The following NF2 variants were observed in gnomAD, a reference collection of about 807,000 sequenced individuals.
The protein encoded by NF2 is merlin.
A neutral mutation model predicts 83.7 loss-of-function variants in NF2; 8 were observed. The observed-to-expected ratio is 0.10, with a 90% CI of 0.06 to 0.17. The LOEUF (loss-of-function observed/expected upper bound fraction) is 0.17. Ranked by LOEUF, NF2 falls within the 10% of genes least tolerant of loss-of-function variation. The pLI is 1.00. For synonymous variants in NF2, 266 were observed against 269.6 expected (o/e 0.99, Z 0.13); for missense variants, 533 against 744.4 (o/e 0.72, Z 3.31).
Position 29,630,926 on chromosome 22 carries a change from T to TA in NF2, c.115-5824dup, listed in dbSNP as rs201082838. On this transcript the variant is annotated intron_variant, in intron 1 of 15. Coordinates refer to ENST00000338641, the MANE Select transcript of NF2 (RefSeq NM_000268.4). ...GCACGAGTGCAGGGCCTGAAAGCGTTACGTGCCATCAGTTATCCAAAAAGA... is the reference window on the plus strand; with the variant it reads ...GCACGAGTGCAGGGCCTGAAAGCGTTAACGTGCCATCAGTTATCCAAAAAGA... Among the ~76,000 whole-genome samples, 1,130 of 152,290 alleles carry TA rather than the reference T, an allele frequency of 7.4e-3. 17 individuals are homozygous for TA. Among genetic ancestry groups the TA allele is most frequent in the African/African-American group, 0.026 (1,074 of 41,542 alleles).
chr22:29,656,465 T>G (rs963822076), intron 6 of NF2, among the ~76,000 whole-genome samples: 1 of 139,506 alleles, frequency 7.2e-6, no homozygotes, highest in African/African-American at 2.7e-5. Context: ...CAGGCTGGAG[T>G]GCAGTGGCGC....
intron 4 of NF2, among the ~76,000 whole-genome samples, chr22:29,647,664 C>CT (rs369275734): frequency 3.3e-5 from 5 of 152,112 alleles, no homozygotes; most frequent in African/African-American, 4.8e-5. Context: ...CTGCATATCC[C>CT]TTTTTTTCAT....
In NF2 at chr22:29,603,843, T is replaced by C. The variant is rs2064706609; in HGVS notation, c.-156T>C. ...GCTCAGGCAGGGTCCTCGCGGCCCATGCTGGCCGCTGGGGACCCGCGCAGC... is the reference window on the plus strand; with the variant it reads ...GCTCAGGCAGGGTCCTCGCGGCCCACGCTGGCCGCTGGGGACCCGCGCAGC... On this transcript the variant is annotated 5_prime_UTR_variant, in exon 1 of 16. The change abolishes an upstream ATG in the 5' untranslated region. Transcript: ENST00000338641. The C allele has an allele frequency of 1.7e-6, 1 of 604,730 alleles. No individual in the cohort carries two copies. Among genetic ancestry groups the C allele is most frequent in the Non-Finnish European group, 2.9e-6 (1 of 345,532 alleles). 37.5% of individuals were successfully genotyped at this position (604,730 alleles called of 1,614,324 possible). A position where few individuals can be genotyped will look rare whatever the true frequency, so the allele number is the denominator to read the frequency against.
chr22:29,674,631 C>A (rs1356512153), intron 12 of NF2, among the ~76,000 whole-genome samples: 1 of 152,162 alleles, frequency 6.6e-6, no homozygotes, highest in East Asian at 1.9e-4. Context: ...TTAGATTTAC[C>A]AACTCAAACA....
chr22:29,695,470 C>A lies in NF2; in HGVS notation c.*668C>A. The A allele has an allele frequency of 4.0e-6, 1 of 249,656 alleles. No homozygotes were observed. The highest frequency in any genetic ancestry group is 7.9e-6 in the Non-Finnish European group (1 of 126,598). The allele number at this position is 249,656 out of a possible 1,614,324, so 15.5% of individuals were successfully genotyped here. ...CAGAAGCTGTGATGCAGGCTGACTG[C>A]CAGCCGAGGGGCTGGGTAGTGCCGT... is the stretch of plus-strand genomic sequence containing the variant. On this transcript the variant is annotated 3_prime_UTR_variant, in exon 16 of 16. Transcript: ENST00000338641. The surrounding 1 kb of genome is among the most constrained non-coding windows in gnomAD (Gnocchi z 5.4).
intron 6 of NF2, among the ~76,000 whole-genome samples, chr22:29,656,443 C>T (rs1221837209): frequency 1.7e-5 from 2 of 120,332 alleles, no homozygotes; most frequent in African/African-American, 6.4e-5. Flanking sequence ...GACGGAGTCT[C>T]ACTCAGTCAC....
intron 6 of NF2, among the ~76,000 whole-genome samples, chr22:29,656,140 T>C (rs2066300268): frequency 6.6e-6 from 1 of 151,888 alleles, no homozygotes; most frequent in South Asian, 2.1e-4. Context: ...GGTTTCAACA[T>C]GTTACCCAGG....
chr22:29,681,716 TG>T, intron 15 of NF2, 115 bp downstream of exon 15: 1 of 1,304,834 alleles, frequency 7.7e-7, no homozygotes, highest in Middle Eastern at 1.9e-4. Context: ...ATCTTTTGTA[TG>T]TACTTAGTTG....
In NF2 at chr22:29,696,879, C is replaced by T. The variant is rs144993615; in HGVS notation, c.*2077C>T. ...TCGCCCAGGCTGGAGTGCAGTGTCACGATCTCAGCTCACTGCAACCTCCGC... is the reference window on the plus strand; with the variant it reads ...TCGCCCAGGCTGGAGTGCAGTGTCATGATCTCAGCTCACTGCAACCTCCGC... On this transcript the variant is annotated 3_prime_UTR_variant, in exon 16 of 16. Coordinates refer to ENST00000338641, the MANE Select transcript of NF2 (RefSeq NM_000268.4). The T allele has an allele frequency of 2.8e-4, 49 of 176,934 alleles. No individual in the cohort carries two copies. Among genetic ancestry groups the T allele is most frequent in the African/African-American group, 6.6e-4 (27 of 41,102 alleles). The allele number at this position is 176,934 out of a possible 1,614,324, so 11.0% of individuals were successfully genotyped here. A position where few individuals can be genotyped will look rare whatever the true frequency, so the allele number is the denominator to read the frequency against.
chr22:29,630,652 G>T (rs140747555), intron 1 of NF2, among the ~76,000 whole-genome samples: 1 of 152,094 alleles, frequency 6.6e-6, no homozygotes, highest in Non-Finnish European at 1.5e-5. Flanking sequence ...TCTTCTTCCC[G>T]CAAGTCACCT....
chr22:29,645,624 G>T (rs772140321), intron 4 of NF2, among the ~76,000 whole-genome samples: 1 of 152,016 alleles, frequency 6.6e-6, no homozygotes, highest in African/African-American at 2.4e-5. Flanking sequence ...GTTCCTTTTC[G>T]CACGCTTTCT....
At chr22:29,661,789 C>T (rs923924563) in intron 8 of NF2, among the ~76,000 whole-genome samples, 2 of 151,984 alleles carry the variant, frequency 1.3e-5, no homozygotes, top group African/African-American at 2.4e-5. Flanking sequence ...AAATTCTCTT[C>T]GTATTTTAAG....
intron 1 of NF2, chr22:29,608,911 C>T (rs192045939): frequency 8.9e-5 from 48 of 538,714 alleles, no homozygotes; most frequent in African/African-American, 8.3e-4. Context: ...TGGCATCGGG[C>T]TGCAAGATTG....
intron 8 of NF2, among the ~76,000 whole-genome samples, chr22:29,664,731 T>G (rs1292774811): frequency 6.6e-6 from 1 of 152,206 alleles, no homozygotes; most frequent in East Asian, 1.9e-4. Context: ...GGATGCTTAT[T>G]TTAGGTTGTC....
chr22:29,605,190 C>T (rs1012738307), intron 1 of NF2, among the ~76,000 whole-genome samples: 2 of 139,720 alleles, frequency 1.4e-5, no homozygotes, highest in Non-Finnish European at 3.0e-5. Context: ...GAGTCTCGCT[C>T]TGTCACCCAG....
In NF2 at chr22:29,655,635, G is replaced by C. The variant is rs1325902176; in HGVS notation, c.558G>C (p.Glu186Asp). The change falls in exon 6 of 16, where the codon GAG becomes GAC. Residue 186 changes from glutamate (E) to aspartate (D), a missense_variant. Glu to Asp is a conservative substitution (Grantham distance 45, BLOSUM62 2). This residue lies in a region of NF2 where 326 missense variants were observed against 475.1 expected (regional missense o/e 0.69). Coordinates refer to ENST00000338641, the MANE Select transcript of NF2 (RefSeq NM_000268.4). ...AGATGACTCCGGAAATGTGGGAGGA[G>C]AGAATTACTGCTTGGTACGCAGAGC... Reference protein sequence around the residue: ...LYQMTPEMWEERITAWYAEHR... With the variant: ...LYQMTPEMWEDRITAWYAEHR... 12 of 1,613,742 alleles carry C rather than the reference G, an allele frequency of 7.4e-6. No individual in the cohort carries two copies. The highest frequency in any genetic ancestry group is 1.0e-5 in the Non-Finnish European group (12 of 1,179,982).
At chr22:29,642,105 GC>G in intron 3 of NF2, 96 bp from the exon 4 acceptor site, 1 of 979,348 alleles carries the variant, frequency 1.0e-6, no homozygotes. Flanking sequence ...TGCTCTGGCA[GC>G]CCTCATTAGA....
chr22:29,688,613 A>C (rs1207365585), intron 15 of NF2, among the ~76,000 whole-genome samples: 5 of 152,236 alleles, frequency 3.3e-5, no homozygotes, highest in African/African-American at 1.2e-4. Flanking sequence ...CCAGTGCCAC[A>C]GGGCAGCCTG....
intron 1 of NF2, among the ~76,000 whole-genome samples, chr22:29,632,552 TG>T (rs1336898624): frequency 6.6e-6 from 1 of 152,234 alleles, no homozygotes; most frequent in Non-Finnish European, 1.5e-5. Flanking sequence ...CCTAGTCCTC[TG>T]AGTGTAGAGA....
Sources: gnomAD v4.1 joint callset for allele counts (sites outside exome capture counted in the v4.1 genomes callset) on GRCh38, gnomAD v4.1.1 for gene constraint, gnomAD v4.1.1 regional missense constraint, Gnocchi (gnomAD v3.1) non-coding constraint, MANE v1.5 for transcripts, NCBI Gene and HGNC (gene_info 2026-07-23, HGNC 2026-07-21) for gene names.